Variants in ANK3 observed in about 807,000 individuals in gnomAD.
ANK3 encodes ankyrin 3.
In ANK3, 57 loss-of-function variants were observed where a neutral mutation model predicts 370.9. The ratio of observed to expected loss-of-function variants is 0.15; its 90% CI spans 0.12 to 0.19. ANK3 has a LOEUF of 0.19. Ranked by LOEUF, ANK3 falls within the 10% of genes least tolerant of loss-of-function variation. The pLI, the probability that ANK3 is intolerant of heterozygous loss-of-function variation, is 1.00. For missense variants in ANK3, 4,439 were observed against 5,302.1 expected (o/e 0.84, Z 5.06); for synonymous variants, 1,929 against 1,946.3 (o/e 0.99, Z 0.23).
intron 25 of ANK3, among the ~76,000 whole-genome samples, chr10:60,116,525 A>G (rs370447984): frequency 3.9e-5 from 6 of 152,196 alleles, no homozygotes; most frequent in Non-Finnish European, 5.9e-5. Context: ...AAGAAAACTT[A>G]AAATTATTCA....
intron 17 of ANK3, among the ~76,000 whole-genome samples, chr10:60,185,856 C>T (rs2096311746): frequency 6.6e-6 from 1 of 152,132 alleles, no homozygotes; most frequent in African/African-American, 2.4e-5. Flanking sequence ...TAATTGTCGG[C>T]TGAACTTTCA....
At chr10:60,505,364 T>C (rs2075909981) in intron 2 of ANK3, among the ~76,000 whole-genome samples, 1 of 152,012 alleles carries the variant, frequency 6.6e-6, no homozygotes, top group African/African-American at 2.4e-5. Context: ...ACTTGCAGAC[T>C]AAAAAAATTC....
intron 1 of ANK3, among the ~76,000 whole-genome samples, chr10:60,641,414 T>C (rs1414039593): frequency 6.6e-6 from 1 of 152,006 alleles, no homozygotes; most frequent in East Asian, 1.9e-4. Flanking sequence ...AACAGCATGG[T>C]ACTGGTACCA....
rs200410413 is a variant in ANK3 at position 60,221,576 on chromosome 10, CA to C, written c.898-8067del. On this transcript the variant is annotated intron_variant, in intron 8 of 43. Coordinates refer to ENST00000280772, the MANE Select transcript of ANK3 (RefSeq NM_020987.5). ...TTCTTGTATTATTTTGAAGCAAATC[CA>C]AGACATCATATTATTATATCCTCAT... Among the ~76,000 whole-genome samples the C allele has an allele frequency of 1.2e-3, 176 of 152,168 alleles. 2 individuals are homozygous for C. The East Asian group carries it at 0.031, about 27-fold the overall frequency.
At chr10:60,258,899 C>T (rs1217004769) in intron 7 of ANK3, among the ~76,000 whole-genome samples, 1 of 152,204 alleles carries the variant, frequency 6.6e-6, no homozygotes, top group African/African-American at 2.4e-5. Flanking sequence ...CTAACCACCT[C>T]ATCAATACCT....
At chr10:60,433,290 G>T (rs963620343) in intron 2 of ANK3, among the ~76,000 whole-genome samples, 3 of 152,046 alleles carry the variant, frequency 2.0e-5, no homozygotes, top group African/African-American at 7.2e-5. Context: ...GCCACAGTGG[G>T]ATAATTTCAC....
chr10:60,250,354 T>C (rs2097633845), intron 7 of ANK3, among the ~76,000 whole-genome samples: 1 of 152,012 alleles, frequency 6.6e-6, no homozygotes, highest in Admixed American at 6.6e-5. Flanking sequence ...TGTTAGAACA[T>C]TTGCTTTTAT....
chr10:60,234,657 G>C, intron 8 of ANK3, 31 bp downstream of exon 8: 1 of 1,328,020 alleles, frequency 7.5e-7, no homozygotes, highest in South Asian at 1.2e-5. Flanking sequence ...CTGAATACAA[G>C]TAGAAGCAGG....
intron 1 of ANK3, among the ~76,000 whole-genome samples, chr10:60,633,375 G>T (rs968186095): frequency 6.6e-6 from 1 of 152,054 alleles, no homozygotes. Context: ...TTATCATATG[G>T]CTAGGAATAA....
chr10:60,345,390 G>T (rs769283539), intron 1 of ANK3, among the ~76,000 whole-genome samples: 2 of 151,994 alleles, frequency 1.3e-5, no homozygotes, highest in African/African-American at 4.8e-5. Flanking sequence ...CATCTTATTG[G>T]TCATTTAGAT....
At chr10:60,261,353 T>G (rs2097801372) in intron 7 of ANK3, among the ~76,000 whole-genome samples, 2 of 152,234 alleles carry the variant, frequency 1.3e-5, no homozygotes, top group Non-Finnish European at 2.9e-5. Context: ...GGATATGAGC[T>G]TACTCAGGTT....
intron 2 of ANK3, among the ~76,000 whole-genome samples, chr10:60,440,969 G>T (rs7100569): frequency 0.011 from 1,652 of 152,246 alleles, 25 homozygotes; most frequent in African/African-American, 0.037. Context: ...GAGCTTGTGG[G>T]ACTTCTGAAT....
At chr10:60,573,384 T>A (rs1267476977) in intron 2 of ANK3, among the ~76,000 whole-genome samples, 2 of 151,978 alleles carry the variant, frequency 1.3e-5, no homozygotes, top group Non-Finnish European at 2.9e-5. Context: ...ACCAACCAAC[T>A]AACAAGAAAC....
At chr10:60,727,825 T>A (rs1297611672) in intron 1 of ANK3, among the ~76,000 whole-genome samples, 1 of 152,192 alleles carries the variant, frequency 6.6e-6, no homozygotes, top group African/African-American at 2.4e-5. Context: ...GCCCTTTCCC[T>A]ACTTAAAAGT....
intron 1 of ANK3, among the ~76,000 whole-genome samples, chr10:60,667,724 G>A (rs1284380694): frequency 6.6e-6 from 1 of 151,218 alleles, no homozygotes; most frequent in African/African-American, 2.5e-5. Flanking sequence ...CATCTCCAGG[G>A]CCTCAGAGTG....
chr10:60,324,780 A>G (rs1486145084), intron 1 of ANK3, among the ~76,000 whole-genome samples: 1 of 152,210 alleles, frequency 6.6e-6, no homozygotes, highest in African/African-American at 2.4e-5. Flanking sequence ...AAGATTATCT[A>G]TTAAAAATAT....
chr10:60,161,531 C>T (rs1481877940), intron 23 of ANK3, among the ~76,000 whole-genome samples: 2 of 152,092 alleles, frequency 1.3e-5, no homozygotes. Flanking sequence ...ATGGTACATA[C>T]ACATAATGAA....
At chr10:60,418,371 G>A (rs541863839) in intron 2 of ANK3, among the ~76,000 whole-genome samples, 39 of 152,122 alleles carry the variant, frequency 2.6e-4, no homozygotes, top group African/African-American at 8.9e-4. Context: ...CTACACCTGC[G>A]CCTAAGTATC....
chr10:60,365,429 A>G (rs2059261901), intron 1 of ANK3, among the ~76,000 whole-genome samples: 1 of 152,180 alleles, frequency 6.6e-6, no homozygotes, highest in Non-Finnish European at 1.5e-5. Context: ...CTAAAACAAT[A>G]AAGGGCAATC....
Sources: allele counts gnomAD v4.1 joint callset (sites outside exome capture counted in the v4.1 genomes callset), GRCh38; gene constraint gnomAD v4.1.1; transcripts MANE v1.5; gene names NCBI Gene and HGNC (gene_info 2026-07-23, HGNC 2026-07-21).